Variants in TREML2 observed in about 807,000 individuals in gnomAD.
TREML2 encodes the protein triggering receptor expressed on myeloid cells like 2.
Under a neutral mutation model 25.9 loss-of-function variants are expected in TREML2, and 24 were observed. That is an observed-to-expected ratio of 0.93 (90% CI 0.67 to 1.30). TREML2 has a LOEUF of 1.30. Among genes scored for constraint, TREML2 ranks in the 50% most tolerant of loss-of-function variants. The pLI is 0.00. For missense variants in TREML2, 359 were observed against 395.6 expected (o/e 0.91, Z 0.78); for synonymous variants, 139 against 155.2 (o/e 0.90, Z 0.77).
In TREML2 at chr6:41,192,127, C is replaced by T; in HGVS notation, c.*300G>A. Reference sequence around the variant, plus strand: ...AAACAGCACTCTCAGGGTTCCCCTGCCTCCACCAAGAGCCCTGGGGTCTGC... The same window carrying T: ...AAACAGCACTCTCAGGGTTCCCCTGTCTCCACCAAGAGCCCTGGGGTCTGC... On this transcript the variant is annotated 3_prime_UTR_variant, in exon 5 of 5. Transcript: ENST00000483722. 1 of 403,186 alleles carries T rather than the reference C, an allele frequency of 2.5e-6. No individual in the cohort carries two copies. Among genetic ancestry groups the T allele is most frequent in the Non-Finnish European group, 4.6e-6 (1 of 215,964 alleles). The allele number at this position is 403,186 out of a possible 1,614,324, so 25.0% of individuals were successfully genotyped here.
At chr6:41,194,249 C>T (rs1190367152) in intron 3 of TREML2, among the ~76,000 whole-genome samples, 176 bp downstream of exon 3, 1 of 132,314 alleles carries the variant, frequency 7.6e-6, no homozygotes, top group East Asian at 2.8e-4. Context: ...CTCTCTCCTG[C>T]CCCTCCTCTC....
At chr6:41,196,385 T>G (rs1417778760) in intron 2 of TREML2, among the ~76,000 whole-genome samples, 1 of 152,166 alleles carries the variant, frequency 6.6e-6, no homozygotes, top group Non-Finnish European at 1.5e-5. Flanking sequence ...GAAGGATGGA[T>G]AGTAAATTGC....
rs1766267050 is a variant in TREML2, at chr6:41,201,084, G to T, written c.-76C>A. ...CACCCGACACAGGATGTGCCACCTG[G>T]GCCTGCCAGGGAAGGACCCGGGGTT... On this transcript the variant is annotated 5_prime_UTR_variant, in exon 1 of 5. Coordinates refer to ENST00000483722, the MANE Select transcript of TREML2 (RefSeq NM_024807.4). The T allele has an allele frequency of 6.4e-7, 1 of 1,559,614 alleles. No individual in the cohort carries two copies.
In TREML2 at chr6:41,189,867, G is replaced by A. The variant is rs1766018703; in HGVS notation, c.*2560C>T. On this transcript the variant is annotated 3_prime_UTR_variant, in exon 5 of 5. Transcript: ENST00000483722. ...GTAAAGGCTTTTATAAGAAACCGAT[G>A]AGGACTGGGCAGCTCATCTGCATAA... 3.9e-5 allele frequency among the ~76,000 whole-genome samples: 6 copies of A among 152,364 alleles called. No homozygotes were observed. In the South Asian group the frequency reaches 1.0e-3, roughly 26 times the overall value.
intron 1 of TREML2, among the ~76,000 whole-genome samples, chr6:41,199,558 CCA>C (rs527887639): frequency 1.4e-3 from 219 of 152,306 alleles, no homozygotes; most frequent in Non-Finnish European, 1.9e-3. Flanking sequence ...CCTTCATAAT[CCA>C]CAGTCTGGTA....
At chr6:41,196,599 T>C (rs1766169925) in intron 2 of TREML2, among the ~76,000 whole-genome samples, 1 of 152,230 alleles carries the variant, frequency 6.6e-6, no homozygotes, top group African/African-American at 2.4e-5. Context: ...TGGTTCTTTA[T>C]TATGCTTACA....
At position 41,194,422 on chromosome 6, in the gene TREML2, T is replaced by A. The variant is rs772509209; in HGVS notation, c.785+3A>T. 4.6e-5 allele frequency: 71 copies of A among 1,552,300 alleles called. No individual in the cohort carries two copies. In the Middle Eastern group the frequency reaches 8.6e-4, roughly 19 times the overall value. On this transcript the variant is annotated splice_donor_region_variant and intron_variant, in intron 3 of 4. Transcript: ENST00000483722. Reference sequence around the variant, plus strand: ...GCCACTCAACCCCAGGCCCCACAGGTACCTGATGGAGGGCATGGAGGGTAG... The same window carrying A: ...GCCACTCAACCCCAGGCCCCACAGGAACCTGATGGAGGGCATGGAGGGTAG...
At position 41,193,945 on chromosome 6, in the gene TREML2, T is replaced by G. The variant is rs1400333129; in HGVS notation, c.785+480A>C. ...CCCCTGACCCTAATGCCCCCGACTCTCATAGTCCCCTGCCCTCATCCCTGC... is the reference window on the plus strand; with the variant it reads ...CCCCTGACCCTAATGCCCCCGACTCGCATAGTCCCCTGCCCTCATCCCTGC... On this transcript the variant is annotated intron_variant, in intron 3 of 4. Transcript: ENST00000483722. Among the ~76,000 whole-genome samples, 7 of 108,264 alleles carry G rather than the reference T, an allele frequency of 6.5e-5. No individual in the cohort carries two copies. In the Admixed American group the frequency reaches 8.4e-4, roughly 13 times the overall value. The allele number at this position is 108,264 out of a possible 152,430, so 71.0% of individuals were successfully genotyped here. A position where few individuals can be genotyped will look rare whatever the true frequency, so the allele number is the denominator to read the frequency against.
Position 41,198,362 on chromosome 6 carries a change from G to A in TREML2, c.123C>T (p.Cys41=), listed in dbSNP as rs1352270665. 2.5e-6 allele frequency: 4 copies of A among 1,614,102 alleles called. No individual in the cohort carries two copies. Among genetic ancestry groups the A allele is most frequent in the Non-Finnish European group, 3.4e-6 (4 of 1,180,036 alleles). The change falls in exon 2 of 5, where the codon TGC becomes TGT. Residue 41 remains cysteine, a synonymous_variant. Transcript: ENST00000483722. ...LLEGETLSVQ[C]SYKGYKNRVE... is the part of the protein sequence containing the mutation. ...CGCGGTTTTTGTAGCCCTTATAGGA[G>A]CACTGCACAGACAGAGTCTCCCCTT...
chr6:41,192,341 G>T lies in TREML2; in HGVS notation c.*86C>A. 1 of 1,081,786 alleles carries T rather than the reference G, an allele frequency of 9.2e-7. No individual in the cohort carries two copies. Among genetic ancestry groups the T allele is most frequent in the Non-Finnish European group, 1.4e-6 (1 of 716,196 alleles). The allele number at this position is 1,081,786 out of a possible 1,614,324, so 67.0% of individuals were successfully genotyped here. A position where few individuals can be genotyped will look rare whatever the true frequency, so the allele number is the denominator to read the frequency against. On this transcript the variant is annotated 3_prime_UTR_variant, in exon 5 of 5. Coordinates refer to ENST00000483722, the MANE Select transcript of TREML2 (RefSeq NM_024807.4). ...CTGCACAAGTCCTCCAGCTTCATAA[G>T]ATCGATACTGGCCCCAATCTTCACC...
intron 1 of TREML2, among the ~76,000 whole-genome samples, chr6:41,200,521 G>T (rs1351229822): frequency 6.6e-6 from 1 of 152,210 alleles, no homozygotes; most frequent in African/African-American, 2.4e-5. Flanking sequence ...TTCACACACT[G>T]GTCCCTTCAG....
chr6:41,194,910 A>G (rs1766134402), intron 2 of TREML2, 77 bp from the exon 3 acceptor site: 2 of 1,398,204 alleles, frequency 1.4e-6, no homozygotes, highest in African/African-American at 1.4e-5. Flanking sequence ...CAACCCACAC[A>G]GTTGCCTGGA....
Position 41,192,474 on chromosome 6 carries a change from C to A in TREML2, c.919G>T (p.Asp307Tyr). 1.2e-6 allele frequency: 2 copies of A among 1,614,032 alleles called. No homozygotes were observed. Among genetic ancestry groups the A allele is most frequent in the Non-Finnish European group, 1.7e-6 (2 of 1,179,962 alleles). Residue 307 changes from aspartate (D) to tyrosine (Y), a missense_variant, in exon 5 of 5, where the codon GAC becomes TAC. Transcript: ENST00000483722. The part of the protein sequence containing the change: ...YSMCSDPSTR[D>Y]PPGRPEPYVE... ...TAGGGCTCTGGTCTTCCAGGTGGGT[C>A]ACGTGTAGAAGGATCGCTGCACATG...
Position 41,192,145 on chromosome 6 carries a change from G to A in TREML2, c.*282C>T. 1 of 441,668 alleles carries A rather than the reference G, an allele frequency of 2.3e-6. No individual in the cohort carries two copies. The highest frequency in any genetic ancestry group is 6.3e-4 in the Middle Eastern group (1 of 1,592). 27.4% of individuals were successfully genotyped at this position (441,668 alleles called of 1,614,324 possible). ...TCCCCTGCCTCCACCAAGAGCCCTGGGGTCTGCAGCTCCGAGCAGAAACCA... is the reference window on the plus strand; with the variant it reads ...TCCCCTGCCTCCACCAAGAGCCCTGAGGTCTGCAGCTCCGAGCAGAAACCA... On this transcript the variant is annotated 3_prime_UTR_variant, in exon 5 of 5. Coordinates refer to ENST00000483722, the MANE Select transcript of TREML2 (RefSeq NM_024807.4).
At chr6:41,192,964 G>A in intron 3 of TREML2, 63 bp from the exon 4 acceptor site, 6 of 1,353,530 alleles carry the variant, frequency 4.4e-6, no homozygotes, top group Non-Finnish European at 6.0e-6. Context: ...AACCCACGTT[G>A]GGATCGGACC....
rs1269915021 is a variant in TREML2 at position 41,189,917 on chromosome 6, G to A, written c.*2510C>T. On this transcript the variant is annotated 3_prime_UTR_variant, in exon 5 of 5. Coordinates refer to ENST00000483722, the MANE Select transcript of TREML2 (RefSeq NM_024807.4). ...AGGCATGAATTTCTGGTAGCTCCCT[G>A]CTGTCCTTCTAATGTACATGTGGGC... 6.6e-6 allele frequency among the ~76,000 whole-genome samples: 1 copy of A among 152,202 alleles called. No individual in the cohort carries two copies. The highest frequency in any genetic ancestry group is 6.5e-5 in the Admixed American group (1 of 15,282).
At chr6:41,200,491 T>A (rs773406041) in intron 1 of TREML2, among the ~76,000 whole-genome samples, 8 of 152,202 alleles carry the variant, frequency 5.3e-5, no homozygotes, top group Non-Finnish European at 7.3e-5. Context: ...AGCATTGGTA[T>A]CTGTGAGGTG....
In TREML2 at chr6:41,192,509, G is replaced by A. The variant is rs1166773528; in HGVS notation, c.887-3C>T. On this transcript the variant is annotated splice_region_variant and splice_polypyrimidine_tract_variant and intron_variant, in intron 4 of 4. Transcript: ENST00000483722. The stretch of plus-strand genomic sequence containing the variant: ...AGGATCGCTGCACATGCTGTAGCCT[G>A]CAAGAAACAGGGAGAGCTGAGGAAG... The A allele has an allele frequency of 3.1e-6, 5 of 1,613,438 alleles. No homozygotes were observed. Among genetic ancestry groups the A allele is most frequent in the South Asian group, 2.2e-5 (2 of 90,980 alleles).
Position 41,198,103 on chromosome 6 carries a change from G to A in TREML2, c.376+6C>T, listed in dbSNP as rs756960424. The stretch of plus-strand genomic sequence containing the variant: ...ACCCGTCCCAGAGCCACTGCAGCCT[G>A]CTCACCTGGAGACACATCCAGCTGG... On this transcript the variant is annotated splice_donor_region_variant and intron_variant, in intron 2 of 4. Coordinates refer to ENST00000483722, the MANE Select transcript of TREML2 (RefSeq NM_024807.4). 2.5e-6 allele frequency: 4 copies of A among 1,579,194 alleles called. No homozygotes were observed. The highest frequency in any genetic ancestry group is 1.3e-5 in the African/African-American group (1 of 74,326).
Sources: allele counts gnomAD v4.1 joint callset (sites outside exome capture counted in the v4.1 genomes callset), GRCh38; gene constraint gnomAD v4.1.1; transcripts MANE v1.5; gene names NCBI Gene and HGNC (gene_info 2026-07-23, HGNC 2026-07-21).